MAVS: variants seen among roughly 807,000 people sequenced by gnomAD.
The protein encoded by MAVS is mitochondrial antiviral-signaling protein.
A neutral mutation model predicts 30.2 loss-of-function variants in MAVS; 20 were observed. That is an observed-to-expected ratio of 0.66 (90% confidence interval 0.47 to 0.96). The LOEUF is 0.96. Ranked by LOEUF, MAVS falls within the 40% of genes least tolerant of loss-of-function variation. The pLI is 0.00. For synonymous variants in MAVS, 278 were observed against 293.9 expected, an observed-to-expected ratio of 0.95 and a Z score of 0.55; for missense variants, 624 against 701.1, an observed-to-expected ratio of 0.89 and a Z score of 1.24.
intron 2 of MAVS, among the ~76,000 whole-genome samples, chr20:3,856,199 C>T (rs1001602735): frequency 8.6e-5 from 13 of 151,200 alleles, no homozygotes; most frequent in East Asian, 2.0e-4. Context: ...GGACTACAGG[C>T]GCCTGCCACC....
chr20:3,853,570 G>A (rs2146759604), intron 1 of MAVS, among the ~76,000 whole-genome samples: 1 of 152,198 alleles, frequency 6.6e-6, no homozygotes, highest in Non-Finnish European at 1.5e-5. Flanking sequence ...GAGGCAGGGG[G>A]ATCGCTTGAG....
Position 3,870,907 on chromosome 20 carries a change from G to C in MAVS, c.*4760G>C, listed in dbSNP as rs1422987583. 2 of 152,182 alleles carry C rather than the reference G, an allele frequency of 1.3e-5. No homozygotes were observed. The highest frequency in any genetic ancestry group is 2.4e-5 in the African/African-American group (1 of 41,400). The allele number at this position is 152,182 out of a possible 1,614,324, so 9.4% of individuals were successfully genotyped here. On this transcript the variant is annotated 3_prime_UTR_variant, in exon 7 of 7. Coordinates refer to ENST00000428216, the MANE Select transcript of MAVS (RefSeq NM_020746.5). ...AGAGGTTCTTTTCTTTTGAGACAGA[G>C]TGTTGCTCTGTTGCCCAGGCTGGAG... is the stretch of plus-strand genomic sequence containing the variant.
chr20:3,852,331 G>A (rs2089768918), intron 1 of MAVS, among the ~76,000 whole-genome samples: 1 of 152,174 alleles, frequency 6.6e-6, no homozygotes. Flanking sequence ...CTGCAGCCAT[G>A]TCATGGAAAG....
At chr20:3,851,545 C>T (rs200410804) in intron 1 of MAVS, among the ~76,000 whole-genome samples, 42 of 150,708 alleles carry the variant, frequency 2.8e-4, no homozygotes, top group Non-Finnish European at 1.0e-4. Context: ...GCTGAATTAC[C>T]GTACTGTCAA....
Position 3,867,281 on chromosome 20 carries a change from T to C in MAVS, c.*1134T>C, listed in dbSNP as rs1474410883. 1.1e-5 allele frequency: 4 copies of C among 349,606 alleles called. No homozygotes were observed. Among genetic ancestry groups the C allele is most frequent in the South Asian group, 2.2e-5 (1 of 45,558 alleles). The allele number at this position is 349,606 out of a possible 1,614,324, so 21.7% of individuals were successfully genotyped here. A position where few individuals can be genotyped will look rare whatever the true frequency, so the allele number is the denominator to read the frequency against. On this transcript the variant is annotated 3_prime_UTR_variant, in exon 7 of 7. Transcript: ENST00000428216. ...CCTGTAAAAGGAGGATAAGTATATA[T>C]ATATATTTCCCAGTGTTGTGAAGAT...
intron 1 of MAVS, among the ~76,000 whole-genome samples, chr20:3,852,090 G>A (rs1367292307): frequency 2.7e-5 from 4 of 146,774 alleles, no homozygotes; most frequent in African/African-American, 1.1e-4. Flanking sequence ...CGCCTCCCAG[G>A]TTCACGCCAT....
At chr20:3,858,088 C>T (rs768154656) in intron 3 of MAVS, among the ~76,000 whole-genome samples, 8 of 152,102 alleles carry the variant, frequency 5.3e-5, no homozygotes, top group Non-Finnish European at 1.0e-4. Flanking sequence ...TACTGCGGGA[C>T]GATGCGTGTT....
At chr20:3,850,294 A>G (rs1439482302) in intron 1 of MAVS, among the ~76,000 whole-genome samples, 3 of 140,638 alleles carry the variant, frequency 2.1e-5, no homozygotes, top group African/African-American at 5.3e-5. Flanking sequence ...AAAAAAAAAA[A>G]AAAAAGAAAT....
In MAVS at chr20:3,867,059, C is replaced by A. The variant is rs1413518499; in HGVS notation, c.*912C>A. The A allele has an allele frequency of 2.2e-6, 1 of 456,704 alleles. No individual in the cohort carries two copies. Among genetic ancestry groups the A allele is most frequent in the Non-Finnish European group, 4.4e-6 (1 of 226,980 alleles). The allele number at this position is 456,704 out of a possible 1,614,324, so 28.3% of individuals were successfully genotyped here. Reference sequence around the variant, plus strand: ...TACAGGTGTTTGCCAAGTGCCTGGCCCAGAGCAAGTGGCCACTGCTTCTCC... The same window carrying A: ...TACAGGTGTTTGCCAAGTGCCTGGCACAGAGCAAGTGGCCACTGCTTCTCC... On this transcript the variant is annotated 3_prime_UTR_variant, in exon 7 of 7. Coordinates refer to ENST00000428216, the MANE Select transcript of MAVS (RefSeq NM_020746.5).
At chr20:3,859,608 T>A (rs2089847186) in intron 3 of MAVS, among the ~76,000 whole-genome samples, 1 of 151,724 alleles carries the variant, frequency 6.6e-6, no homozygotes, top group Admixed American at 6.6e-5. Context: ...GGTGGCAGCA[T>A]CAGGGCAGGG....
At position 3,867,627 on chromosome 20, in the gene MAVS, C is replaced by T. The variant is rs1486161832; in HGVS notation, c.*1480C>T. 6.4e-6 allele frequency: 1 copy of T among 155,098 alleles called. No homozygotes were observed. The highest frequency in any genetic ancestry group is 1.4e-5 in the Non-Finnish European group (1 of 69,888). The allele number at this position is 155,098 out of a possible 1,614,324, so 9.6% of individuals were successfully genotyped here. A position where few individuals can be genotyped will look rare whatever the true frequency, so the allele number is the denominator to read the frequency against. On this transcript the variant is annotated 3_prime_UTR_variant, in exon 7 of 7. Coordinates refer to ENST00000428216, the MANE Select transcript of MAVS (RefSeq NM_020746.5). ...AAGAAAAATGCAGAGAAACAGGAGT[C>T]TTGGCTACTCCTTTAGAGGCAGACT... is the stretch of plus-strand genomic sequence containing the variant.
chr20:3,858,695 A>C (rs6107357), intron 3 of MAVS, among the ~76,000 whole-genome samples: 7,206 of 151,462 alleles, frequency 0.048, 545 homozygotes, highest in African/African-American at 0.16. Context: ...ATGGGAAAAA[A>C]AATCAAGCCA....
chr20:3,861,310 T>A (rs1269497229), intron 3 of MAVS, 22 bp from the exon 4 acceptor site: 1 of 1,587,546 alleles, frequency 6.3e-7, no homozygotes. Context: ...CTTCTTGATA[T>A]CACTACATCT....
At chr20:3,862,532 C>G (rs1361348579) in intron 5 of MAVS, 119 bp downstream of exon 5, 1 of 1,100,684 alleles carries the variant, frequency 9.1e-7, no homozygotes, top group Non-Finnish European at 1.3e-6. Flanking sequence ...GGGAGTTCAA[C>G]CCAGGAAGCA....
At chr20:3,860,719 C>T (rs1366793571) in intron 3 of MAVS, among the ~76,000 whole-genome samples, 2 of 151,880 alleles carry the variant, frequency 1.3e-5, no homozygotes, top group Admixed American at 6.6e-5. Context: ...CTCTGTTGCC[C>T]AGGCTGGAGT....
At position 3,862,387 on chromosome 20, in the gene MAVS, C is replaced by T. The variant is rs1207080721; in HGVS notation, c.599C>T (p.Thr200Ile). ...TCCAGCGGGCATCAGGAGCAGGACACAGAACTGGGCAGTACCCACACAGCA... is the reference window on the plus strand; with the variant it reads ...TCCAGCGGGCATCAGGAGCAGGACATAGAACTGGGCAGTACCCACACAGCA... ...LTSSGHQEQD[T>I]ELGSTHTAGA... The change falls in exon 5 of 7, where the codon ACA becomes ATA. Residue 200 changes from threonine to isoleucine, a missense_variant. Thr to Ile is a moderately conservative substitution (Grantham distance 89). Coordinates refer to ENST00000428216, the MANE Select transcript of MAVS (RefSeq NM_020746.5). 1 of 1,613,888 alleles carries T rather than the reference C, an allele frequency of 6.2e-7. No homozygotes were observed. The highest frequency in any genetic ancestry group is 1.3e-5 in the African/African-American group (1 of 74,934).
intron 1 of MAVS, among the ~76,000 whole-genome samples, chr20:3,849,278 C>T (rs533956672): frequency 6.7e-6 from 1 of 149,632 alleles, no homozygotes; most frequent in South Asian, 2.1e-4. Flanking sequence ...GGGATGATTT[C>T]AGCTCACTGC....
chr20:3,875,192 T>C lies in MAVS; in HGVS notation c.*9045T>C, dbSNP rs888993536. 6 of 152,214 alleles carry C rather than the reference T, an allele frequency of 3.9e-5. No individual in the cohort carries two copies. The highest frequency in any genetic ancestry group is 1.2e-4 in the African/African-American group (5 of 41,442). 9.4% of individuals were successfully genotyped at this position (152,214 alleles called of 1,614,324 possible). A position where few individuals can be genotyped will look rare whatever the true frequency, so the allele number is the denominator to read the frequency against. On this transcript the variant is annotated 3_prime_UTR_variant, in exon 7 of 7. Coordinates refer to ENST00000428216, the MANE Select transcript of MAVS (RefSeq NM_020746.5). ...GATTCAGGAGACTGAGGTGGGAGGA[T>C]TGCTAGAAGCCAGGAGTTCGAGACC...
chr20:3,864,274 C>G lies in MAVS; in HGVS notation c.644C>G (p.Thr215Arg). The part of the protein sequence containing the change: ...THTAGATSSL[T>R]PSRGPVSPSV... Reference sequence around the variant, plus strand: ...CCGGCAGGTGCGACCTCCAGCCTCACACCATCCCGTGGGCCTGTGTCTCCA... The same window carrying G: ...CCGGCAGGTGCGACCTCCAGCCTCAGACCATCCCGTGGGCCTGTGTCTCCA... Residue 215 changes from threonine to arginine, a missense_variant, in exon 6 of 7, where the codon ACA becomes AGA. Coordinates refer to ENST00000428216, the MANE Select transcript of MAVS (RefSeq NM_020746.5). 6.2e-7 allele frequency: 1 copy of G among 1,610,266 alleles called. No homozygotes were observed.
Sources: allele counts gnomAD v4.1 joint callset (sites outside exome capture counted in the v4.1 genomes callset), GRCh38; gene constraint gnomAD v4.1.1; transcripts MANE v1.5; gene names NCBI Gene and HGNC (gene_info 2026-07-23, HGNC 2026-07-21).